The following B3GALT1 variants were observed in gnomAD, a reference collection of about 807,000 sequenced individuals.
The protein encoded by B3GALT1 is UDP-Gal:betaGlcNAc beta 1,3-galactosyltransferase, polypeptide 1.
B3GALT1 carries 10 observed loss-of-function variants against 23.2 expected under a neutral mutation model. The observed-to-expected ratio is 0.43, with a 90% confidence interval of 0.27 to 0.73. B3GALT1 has a LOEUF of 0.73. B3GALT1 is among the 30% of genes least tolerant of loss of function. B3GALT1 has a pLI of 0.21. For synonymous variants in B3GALT1, 156 were observed against 141.5 expected (o/e 1.10, Z -0.73); for missense variants, 299 against 405.4 (o/e 0.74, Z 2.25).
At chr2:167,618,781 T>C (rs970877906) in intron 2 of B3GALT1, among the ~76,000 whole-genome samples, 1 of 151,980 alleles carries the variant, frequency 6.6e-6, no homozygotes, top group African/African-American at 2.4e-5. Context: ...CTGTTACTTA[T>C]GATTAGATTC....
intron 1 of B3GALT1, among the ~76,000 whole-genome samples, chr2:167,360,996 G>A (rs1404053091): frequency 6.6e-6 from 1 of 152,000 alleles, no homozygotes; most frequent in African/African-American, 2.4e-5. Flanking sequence ...TTAACGTAAT[G>A]GCTTCTAGTT....
intron 3 of B3GALT1, among the ~76,000 whole-genome samples, chr2:167,793,818 G>A (rs1266713828): frequency 6.6e-6 from 1 of 152,136 alleles, no homozygotes; most frequent in Non-Finnish European, 1.5e-5. Flanking sequence ...TTTGCCTTTT[G>A]CAAATGTTAC....
At chr2:167,323,224 G>A (rs1696840229) in intron 1 of B3GALT1, among the ~76,000 whole-genome samples, 1 of 152,028 alleles carries the variant, frequency 6.6e-6, no homozygotes, top group African/African-American at 2.4e-5. Context: ...ATAATTTAGC[G>A]AAGAAAATAA....
intron 3 of B3GALT1, among the ~76,000 whole-genome samples, chr2:167,778,260 C>G (rs1688194785): frequency 6.6e-6 from 1 of 152,074 alleles, no homozygotes; most frequent in Non-Finnish European, 1.5e-5. Context: ...TCCTTGTGTT[C>G]TACTGTCTCC....
chr2:167,540,045 C>G (rs114245797), intron 2 of B3GALT1, among the ~76,000 whole-genome samples: 1,807 of 152,060 alleles, frequency 0.012, 34 homozygotes, highest in African/African-American at 0.041. Flanking sequence ...AAGTAATTAC[C>G]AAATGATCAT....
At chr2:167,566,648 A>G (rs1045325275) in intron 2 of B3GALT1, among the ~76,000 whole-genome samples, 38 of 152,204 alleles carry the variant, frequency 2.5e-4, no homozygotes, top group African/African-American at 8.9e-4. Flanking sequence ...TAATTGAGCC[A>G]TATGAGTAGT....
chr2:167,468,234 T>C (rs1439946453), intron 1 of B3GALT1, among the ~76,000 whole-genome samples: 3 of 152,176 alleles, frequency 2.0e-5, no homozygotes, highest in Admixed American at 6.5e-5. Context: ...AGTAAATTAC[T>C]TTTGAGAGTG....
chr2:167,547,870 T>C (rs1261406217), intron 2 of B3GALT1, among the ~76,000 whole-genome samples: 1 of 152,106 alleles, frequency 6.6e-6, no homozygotes, highest in African/African-American at 2.4e-5. Flanking sequence ...TGAAACATCA[T>C]ATCAACAATC....
intron 1 of B3GALT1, among the ~76,000 whole-genome samples, chr2:167,405,494 G>A (rs1002762824): frequency 1.3e-5 from 2 of 151,960 alleles, no homozygotes; most frequent in Non-Finnish European, 2.9e-5. Context: ...AGTGTTATTA[G>A]GTCAGAAAAG....
chr2:167,425,500 T>C (rs1399301841), intron 1 of B3GALT1, among the ~76,000 whole-genome samples: 2 of 152,186 alleles, frequency 1.3e-5, no homozygotes, highest in Non-Finnish European at 1.5e-5. Flanking sequence ...CGTGCAGTAA[T>C]ATAGTTGAGA....
chr2:167,421,238 G>A (rs933101768), intron 1 of B3GALT1, among the ~76,000 whole-genome samples: 2 of 152,116 alleles, frequency 1.3e-5, no homozygotes, highest in Non-Finnish European at 2.9e-5. Context: ...CTGATCTTTA[G>A]TTGTACTAGT....
intron 1 of B3GALT1, among the ~76,000 whole-genome samples, chr2:167,465,211 T>G (rs1699326254): frequency 6.6e-6 from 1 of 152,230 alleles, no homozygotes; most frequent in Non-Finnish European, 1.5e-5. Context: ...TATTTTATTT[T>G]ATCTTATTTT....
At chr2:167,337,567 A>T (rs1697078640) in intron 1 of B3GALT1, among the ~76,000 whole-genome samples, 1 of 151,982 alleles carries the variant, frequency 6.6e-6, no homozygotes, top group Non-Finnish European at 1.5e-5. Context: ...TCATTTGCTA[A>T]CTGTCATGCT....
At chr2:167,486,646 A>T (rs1699630695) in intron 1 of B3GALT1, among the ~76,000 whole-genome samples, 1 of 151,828 alleles carries the variant, frequency 6.6e-6, no homozygotes, top group South Asian at 2.1e-4. Context: ...TGAAGCCGGG[A>T]GGCGAAGGTT....
chr2:167,390,383 A>G (rs1436273767), intron 1 of B3GALT1, among the ~76,000 whole-genome samples: 1 of 152,142 alleles, frequency 6.6e-6, no homozygotes, highest in Non-Finnish European at 1.5e-5. Flanking sequence ...CTCCTCCCCT[A>G]ACCTCCCCAT....
intron 3 of B3GALT1, among the ~76,000 whole-genome samples, chr2:167,688,180 G>A (rs1686647841): frequency 6.6e-6 from 1 of 152,210 alleles, no homozygotes; most frequent in Admixed American, 6.5e-5. Context: ...CTGAAGGTGT[G>A]TTTTGGGGCC....
At chr2:167,717,296 T>G (rs1211584192) in intron 3 of B3GALT1, among the ~76,000 whole-genome samples, 2 of 79,734 alleles carry the variant, frequency 2.5e-5, no homozygotes, top group Non-Finnish European at 8.2e-5. Context: ...ATCTATGAGT[T>G]TTTTTTTTAT....
At chr2:167,538,169 G>A (rs940361394) in intron 2 of B3GALT1, among the ~76,000 whole-genome samples, 1 of 152,074 alleles carries the variant, frequency 6.6e-6, no homozygotes, top group African/African-American at 2.4e-5. Context: ...GTATTACTTT[G>A]TGGTGGCTTC....
chr2:167,701,955 A>G (rs991445171), intron 3 of B3GALT1, among the ~76,000 whole-genome samples: 1 of 152,236 alleles, frequency 6.6e-6, no homozygotes, highest in African/African-American at 2.4e-5. Flanking sequence ...TATGCCCACT[A>G]AAATTTGGCG....
Sources: allele counts gnomAD v4.1 joint callset (sites outside exome capture counted in the v4.1 genomes callset), GRCh38; gene constraint gnomAD v4.1.1; transcripts MANE v1.5; gene names NCBI Gene and HGNC (gene_info 2026-07-23, HGNC 2026-07-21).